Variants in DENND1B observed in about 807,000 individuals in gnomAD.
DENND1B encodes DENN domain containing 1B, also known as DENN domain-containing protein 1B.
DENND1B carries 59 observed loss-of-function variants against 90.1 expected under a neutral mutation model. The observed-to-expected ratio is 0.65, with a 90% CI of 0.53 to 0.81. The LOEUF (loss-of-function observed/expected upper bound fraction) is 0.81, where lower values mean the gene tolerates loss of function less well. Ranked by LOEUF, DENND1B falls within the 40% of genes least tolerant of loss-of-function variation. DENND1B has a pLI of 0.00. For synonymous variants in DENND1B, 337 were observed against 324.6 expected (o/e 1.04, Z -0.41); for missense variants, 862 against 912.6 (o/e 0.94, Z 0.71).
intron 2 of DENND1B, among the ~76,000 whole-genome samples, chr1:197,729,129 A>G (rs1661920043): frequency 6.6e-6 from 1 of 152,140 alleles, no homozygotes; most frequent in African/African-American, 2.4e-5. Context: ...CCAAAATACT[A>G]CAACCACACA....
At chr1:197,623,237 G>T (rs1251641672) in intron 10 of DENND1B, among the ~76,000 whole-genome samples, 1 of 151,274 alleles carries the variant, frequency 6.6e-6, no homozygotes, top group Non-Finnish European at 1.5e-5. Context: ...ATTTTTAACT[G>T]AATCAATACT....
intron 15 of DENND1B, among the ~76,000 whole-genome samples, chr1:197,563,917 C>T (rs1254332753): frequency 6.6e-6 from 1 of 151,954 alleles, no homozygotes; most frequent in African/African-American, 2.4e-5. Context: ...GGGTCCAAGA[C>T]TTCTTCGAGG....
chr1:197,775,291 C>T lies in DENND1B; in HGVS notation c.-136G>A, dbSNP rs1402641730. The T allele has an allele frequency of 3.0e-6, 2 of 658,146 alleles. No homozygotes were observed. The highest frequency in any genetic ancestry group is 4.3e-6 in the Non-Finnish European group (2 of 466,170). The allele number at this position is 658,146 out of a possible 1,614,324, so 40.8% of individuals were successfully genotyped here. ...AGGGAAAGAGGCTGCTCACAGCAGC[C>T]GTGGCGGCGGGCCCATGTCGGCTGC... is the stretch of plus-strand genomic sequence containing the variant. On this transcript the variant is annotated 5_prime_UTR_variant, in exon 1 of 23. Transcript: ENST00000620048.
intron 3 of DENND1B, among the ~76,000 whole-genome samples, chr1:197,686,768 A>G (rs1657285269): frequency 6.7e-6 from 1 of 148,396 alleles, no homozygotes; most frequent in African/African-American, 2.5e-5. Context: ...ATTTCTTTTC[A>G]GGCCGCTTCA....
intron 15 of DENND1B, among the ~76,000 whole-genome samples, chr1:197,577,532 G>A (rs1673793306): frequency 6.6e-6 from 1 of 152,156 alleles, no homozygotes. Context: ...CCTTAGCCAT[G>A]GTGAATGTAT....
chr1:197,552,865 T>C (rs1333416516), intron 16 of DENND1B, 157 bp downstream of exon 16: 4 of 1,403,126 alleles, frequency 2.9e-6, no homozygotes, highest in Non-Finnish European at 3.7e-6. Context: ...ATAAGCTAAT[T>C]CCATAGCTTT....
chr1:197,516,026 A>G (rs1668372641), intron 20 of DENND1B, among the ~76,000 whole-genome samples: 1 of 151,824 alleles, frequency 6.6e-6, no homozygotes, highest in South Asian at 2.1e-4. Context: ...CATCTACGTC[A>G]TGATATAAGC....
At chr1:197,640,143 A>ATC in intron 10 of DENND1B, among the ~76,000 whole-genome samples, 1 of 152,276 alleles carries the variant, frequency 6.6e-6, no homozygotes, top group South Asian at 2.1e-4. Flanking sequence ...AGTAATGTTA[A>ATC]TTTTTACTCT....
At chr1:197,778,347 C>A (rs759626042), upstream of DENND1B, among the ~76,000 whole-genome samples, 1 of 152,100 alleles carries the variant, frequency 6.6e-6, no homozygotes. Context: ...GCTCTTACAT[C>A]AAACCCCTAG....
At chr1:197,754,642 A>C (rs1171825854) in intron 2 of DENND1B, among the ~76,000 whole-genome samples, 2 of 122,932 alleles carry the variant, frequency 1.6e-5, no homozygotes, top group African/African-American at 6.3e-5. Flanking sequence ...CCTGGGCAAC[A>C]ATGCGAGACT....
intron 2 of DENND1B, among the ~76,000 whole-genome samples, chr1:197,726,047 C>G (rs1182702376): frequency 6.6e-6 from 1 of 151,856 alleles, no homozygotes; most frequent in East Asian, 1.9e-4. Context: ...GATATACACA[C>G]ACATACACAT....
At chr1:197,679,817 T>G (rs1256849652) in intron 3 of DENND1B, among the ~76,000 whole-genome samples, 6 of 149,702 alleles carry the variant, frequency 4.0e-5, no homozygotes, top group Non-Finnish European at 4.4e-5. Flanking sequence ...TGTTTTTTTT[T>G]TTTTTTTTTT....
At chr1:197,637,103 T>C (rs1029791672) in intron 10 of DENND1B, among the ~76,000 whole-genome samples, 10 of 152,156 alleles carry the variant, frequency 6.6e-5, no homozygotes, top group African/African-American at 2.2e-4. Context: ...CTCAATAGTT[T>C]TATTAAAGAA....
At chr1:197,659,763 C>T (rs747266535) in intron 5 of DENND1B, among the ~76,000 whole-genome samples, 4 of 151,854 alleles carry the variant, frequency 2.6e-5, no homozygotes, top group African/African-American at 4.8e-5. Context: ...CTAAAGAGTT[C>T]TGAAACACTG....
chr1:197,777,795 C>G (rs1747812), upstream of DENND1B, among the ~76,000 whole-genome samples: 129,838 of 152,078 alleles, frequency 0.85, 55,828 homozygotes, highest in African/African-American at 0.96. Context: ...TAATTAATTT[C>G]TTATTAATTA....
chr1:197,681,255 C>T (rs1279891247), intron 3 of DENND1B, among the ~76,000 whole-genome samples: 3 of 151,998 alleles, frequency 2.0e-5, no homozygotes, highest in Non-Finnish European at 4.4e-5. Flanking sequence ...TGAATATATG[C>T]AACTACTTCT....
chr1:197,616,673 C>T (rs1178587565), intron 11 of DENND1B, among the ~76,000 whole-genome samples: 1 of 151,144 alleles, frequency 6.6e-6, no homozygotes, highest in African/African-American at 2.4e-5. Context: ...TGTGTATGAA[C>T]TTAAATCATT....
At chr1:197,544,863 GAGGAGAAGGAGATGAAGAGGAAGA>G in intron 18 of DENND1B, among the ~76,000 whole-genome samples, 1 of 82,826 alleles carries the variant, frequency 1.2e-5, no homozygotes, top group Non-Finnish European at 2.7e-5. Context: ...GAAGAGGAAG[GAGGAGAAGGAGATGAAGAGGAAGA>G]GGAAGAAGAA....
At chr1:197,758,631 T>C (rs1421515012) in intron 2 of DENND1B, among the ~76,000 whole-genome samples, 1 of 152,148 alleles carries the variant, frequency 6.6e-6, no homozygotes, top group Non-Finnish European at 1.5e-5. Flanking sequence ...TACCAAGAAC[T>C]ATGTTTCAAC....
Sources: allele counts gnomAD v4.1 joint callset (sites outside exome capture counted in the v4.1 genomes callset), GRCh38; gene constraint gnomAD v4.1.1; transcripts MANE v1.5; gene names NCBI Gene and HGNC (gene_info 2026-07-23, HGNC 2026-07-21).